KRIT1: variants seen among roughly 807,000 people sequenced by gnomAD.
KRIT1 encodes the protein KRIT1 ankyrin repeat containing.
KRIT1 carries 45 observed loss-of-function variants against 95.8 expected under a neutral mutation model. That is an observed-to-expected ratio of 0.47 (90% CI 0.37 to 0.60). The LOEUF (loss-of-function observed/expected upper bound fraction) is 0.60. KRIT1 is among the 20% of genes least tolerant of loss of function. The pLI is 0.00. For synonymous variants in KRIT1, 282 were observed against 278.8 expected, an observed-to-expected ratio of 1.01 and a Z score of -0.11; for missense variants, 788 against 877.5, an observed-to-expected ratio of 0.90 and a Z score of 1.29.
Position 92,200,718 on chromosome 7 carries a change from G to A in KRIT1, c.*18C>T, listed in dbSNP as rs1307301567. 1.3e-6 allele frequency: 2 copies of A among 1,517,624 alleles called. No individual in the cohort carries two copies. The highest frequency in any genetic ancestry group is 1.8e-6 in the Non-Finnish European group (2 of 1,092,054). 94.0% of individuals were successfully genotyped at this position (1,517,624 alleles called of 1,614,324 possible). A position where few individuals can be genotyped will look rare whatever the true frequency, so the allele number is the denominator to read the frequency against. ...TGCATTACAAAATGTGGTGGCTTGAGTAACAGTTACTTCTCTTTCATGAAT... is the reference window on the plus strand; with the variant it reads ...TGCATTACAAAATGTGGTGGCTTGAATAACAGTTACTTCTCTTTCATGAAT... On this transcript the variant is annotated 3_prime_UTR_variant, in exon 19 of 19. Coordinates refer to ENST00000394505, the MANE Select transcript of KRIT1 (RefSeq NM_194454.3).
At chr7:92,231,292 T>C (rs958290381) in intron 10 of KRIT1, among the ~76,000 whole-genome samples, 1 of 152,220 alleles carries the variant, frequency 6.6e-6, no homozygotes, top group Non-Finnish European at 1.5e-5. Context: ...TCTTGAATTT[T>C]AAACTCTTAT....
At chr7:92,224,049 T>C (rs988973023) in intron 12 of KRIT1, among the ~76,000 whole-genome samples, 1 of 152,208 alleles carries the variant, frequency 6.6e-6, no homozygotes, top group African/African-American at 2.4e-5. Context: ...CTTGACTCTG[T>C]CTTATGCTCT....
chr7:92,216,025 C>A (rs567115040), intron 14 of KRIT1, among the ~76,000 whole-genome samples: 1 of 151,816 alleles, frequency 6.6e-6, no homozygotes, highest in Non-Finnish European at 1.5e-5. Flanking sequence ...GCCAGGAGAT[C>A]GAGACCATGC....
chr7:92,214,044 T>A, intron 15 of KRIT1, 65 bp from the exon 16 acceptor site: 1 of 990,552 alleles, frequency 1.0e-6, no homozygotes, highest in Middle Eastern at 2.2e-4. Flanking sequence ...ATAGTAATCA[T>A]TCTGTTACAA....
At chr7:92,206,885 G>A (rs1047104680) in intron 17 of KRIT1, 12 of 137,040 alleles carry the variant, frequency 8.8e-5, no homozygotes, top group African/African-American at 3.3e-4. Context: ...CAATAGACTA[G>A]ATCAAGCAGA....
At chr7:92,214,552 T>A in intron 15 of KRIT1, 59 bp downstream of exon 15, 1 of 1,289,170 alleles carries the variant, frequency 7.8e-7, no homozygotes, top group Non-Finnish European at 1.1e-6. Context: ...TTTTAAACTT[T>A]CTTGGTTAAA....
At chr7:92,210,035 C>T (rs745970653) in intron 17 of KRIT1, among the ~76,000 whole-genome samples, 8 of 152,032 alleles carry the variant, frequency 5.3e-5, no homozygotes, top group East Asian at 1.9e-4. Context: ...ATCACGCCAC[C>T]GCACTCCAGC....
chr7:92,234,857 G>T lies in KRIT1; in HGVS notation c.796C>A (p.Pro266Thr). 6.2e-7 allele frequency: 1 copy of T among 1,610,798 alleles called. No individual in the cohort carries two copies. ...CTTCTCTGCCATTTTTCCTGTTTAG[G>T]TATTTGGATTTTTGAGTAGTCTGGA... ...GAPDYSKIQI[P>T]KQEKWQRSMS... The change falls in exon 9 of 19, where the codon CCT becomes ACT. Residue 266 changes from proline (P) to threonine (T), a missense_variant. Coordinates refer to ENST00000394505, the MANE Select transcript of KRIT1 (RefSeq NM_194454.3).
intron 14 of KRIT1, among the ~76,000 whole-genome samples, chr7:92,215,761 C>A (rs1338019830): frequency 7.1e-6 from 1 of 141,070 alleles, no homozygotes; most frequent in Admixed American, 7.2e-5. Context: ...TGGCCTAGAT[C>A]TTTTTTTTTT....
intron 14 of KRIT1, among the ~76,000 whole-genome samples, chr7:92,221,531 A>G (rs1159645410): frequency 2.0e-5 from 3 of 152,156 alleles, no homozygotes; most frequent in Non-Finnish European, 2.9e-5. Flanking sequence ...GTTCTCTTCC[A>G]CACCAGTGTT....
intron 10 of KRIT1, among the ~76,000 whole-genome samples, chr7:92,233,015 GT>G (rs1334273511): frequency 2.0e-5 from 3 of 152,046 alleles, no homozygotes; most frequent in Non-Finnish European, 4.4e-5. Context: ...TTTTAGTATT[GT>G]TTTTGCCGCC....
At chr7:92,201,662 TCTC>T in intron 17 of KRIT1, 1 of 432,796 alleles carries the variant, frequency 2.3e-6, no homozygotes, top group East Asian at 4.8e-5. Flanking sequence ...ATTAGATATT[TCTC>T]CTAATGCTAT....
intron 10 of KRIT1, among the ~76,000 whole-genome samples, chr7:92,228,827 G>T (rs578114506): frequency 2.5e-4 from 38 of 152,212 alleles, no homozygotes; most frequent in Middle Eastern, 3.4e-3. Context: ...CCACGTATAA[G>T]TGGGAACACG....
chr7:92,237,303 T>A (rs1268761047), intron 6 of KRIT1, among the ~76,000 whole-genome samples: 2 of 152,154 alleles, frequency 1.3e-5, no homozygotes, highest in Non-Finnish European at 2.9e-5. Flanking sequence ...ACAAGATAGG[T>A]TCTGATCATA....
Position 92,199,918 on chromosome 7 carries a change from G to A in KRIT1, c.*818C>T, listed in dbSNP as rs547095369. ...GAACTATACTTTGAGAAACACTACT[G>A]TATATCAGATTTACATTTTAACTAA... On this transcript the variant is annotated 3_prime_UTR_variant, in exon 19 of 19. Coordinates refer to ENST00000394505, the MANE Select transcript of KRIT1 (RefSeq NM_194454.3). The A allele has an allele frequency of 6.6e-6, 1 of 152,268 alleles. No homozygotes were observed. Among genetic ancestry groups the A allele is most frequent in the East Asian group, 1.9e-4 (1 of 5,190 alleles). 9.4% of individuals were successfully genotyped at this position (152,268 alleles called of 1,614,324 possible). A position where few individuals can be genotyped will look rare whatever the true frequency, so the allele number is the denominator to read the frequency against.
chr7:92,225,432 T>C (rs1796016366), intron 12 of KRIT1, among the ~76,000 whole-genome samples: 1 of 152,012 alleles, frequency 6.6e-6, no homozygotes, highest in African/African-American at 2.4e-5. Flanking sequence ...CTCAGCCTCC[T>C]GAGTAGCTGG....
chr7:92,213,197 T>C lies in KRIT1; in HGVS notation c.2023A>G (p.Lys675Glu). Reference sequence around the variant, plus strand: ...GTAAAAAAGAGCTGAAAATCTACCTTAGTTTCCATGTTGAGGAGATGAAGT... The same window carrying C: ...GTAAAAAAGAGCTGAAAATCTACCTCAGTTTCCATGTTGAGGAGATGAAGT... Reference protein sequence around the residue: ...KGLHLLNMETKALLISLKYGC... With the variant: ...KGLHLLNMETEALLISLKYGC... Residue 675 changes from lysine (K) to glutamate (E), a missense_variant and splice_region_variant, in exon 17 of 19, where the codon AAG becomes GAG. Coordinates refer to ENST00000394505, the MANE Select transcript of KRIT1 (RefSeq NM_194454.3). The C allele has an allele frequency of 6.2e-7, 1 of 1,600,558 alleles. No individual in the cohort carries two copies. Among genetic ancestry groups the C allele is most frequent in the Non-Finnish European group, 8.6e-7 (1 of 1,167,972 alleles).
chr7:92,229,632 C>T (rs925846742), intron 10 of KRIT1, among the ~76,000 whole-genome samples: 5 of 152,166 alleles, frequency 3.3e-5, no homozygotes, highest in African/African-American at 1.2e-4. Flanking sequence ...TTCCTGATTT[C>T]GTTCAGGTTA....
At chr7:92,239,849 T>C (rs1298469703) in intron 5 of KRIT1, among the ~76,000 whole-genome samples, 1 of 152,004 alleles carries the variant, frequency 6.6e-6, no homozygotes, top group Non-Finnish European at 1.5e-5. Flanking sequence ...TAGCTGGGAC[T>C]ATAGGCGTGT....
Sources: allele counts gnomAD v4.1 joint callset (sites outside exome capture counted in the v4.1 genomes callset), GRCh38; gene constraint gnomAD v4.1.1; transcripts MANE v1.5; gene names NCBI Gene and HGNC (gene_info 2026-07-23, HGNC 2026-07-21).